Variants in LETM2 observed in about 807,000 individuals in gnomAD.
The protein encoded by LETM2 is LETM1 domain-containing protein LETM2, mitochondrial.
A neutral mutation model predicts 59.6 loss-of-function variants in LETM2; 58 were observed. That is an observed-to-expected ratio of 0.97 (90% CI 0.79 to 1.21). The LOEUF (loss-of-function observed/expected upper bound fraction) is 1.21. Ranked by LOEUF, LETM2 falls within the 50% of genes most tolerant of loss-of-function variation. LETM2 has a pLI of 0.00. For synonymous variants in LETM2, 199 were observed against 214.1 expected (o/e 0.93, Z 0.62); for missense variants, 572 against 575.7 (o/e 0.99, Z 0.07).
chr8:38,386,812 C>CT, intron 1 of LETM2: 1 of 153,096 alleles, frequency 6.5e-6, no homozygotes, highest in Non-Finnish European at 1.5e-5. Context: ...GCGCTCCGTC[C>CT]TTTTTTCCGT....
In LETM2 at chr8:38,407,086, T is replaced by C. The variant is rs752530298; in HGVS notation, c.1311+48T>C. 3.2e-5 allele frequency: 36 copies of C among 1,124,844 alleles called. No homozygotes were observed. The East Asian group carries it at 8.2e-4, about 26-fold the overall frequency. 69.7% of individuals were successfully genotyped at this position (1,124,844 alleles called of 1,614,324 possible). On this transcript the variant is annotated intron_variant, in intron 9 of 10. Coordinates refer to ENST00000379957, the MANE Select transcript of LETM2 (RefSeq NM_001286819.2). ...GGTTAATTAGATTAAAAAATGAAAA[T>C]AGCAATGGGTCATTTTCTCCTGTTT... is the stretch of plus-strand genomic sequence containing the variant.
chr8:38,406,880 T>C (rs537962263), intron 8 of LETM2, 66 bp from the exon 9 acceptor site: 2 of 1,031,854 alleles, frequency 1.9e-6, no homozygotes, highest in Non-Finnish European at 3.0e-6. Context: ...CATTGACTAC[T>C]GTAAAAGTTT....
intron 2 of LETM2, among the ~76,000 whole-genome samples, chr8:38,389,120 G>A (rs1812007277): frequency 1.3e-5 from 2 of 152,142 alleles, no homozygotes; most frequent in South Asian, 2.1e-4. Context: ...CATCACGTGA[G>A]GTCCTTAGAT....
chr8:38,394,519 T>G (rs1812537048), intron 4 of LETM2: 1 of 255,130 alleles, frequency 3.9e-6, no homozygotes, highest in African/African-American at 2.2e-5. Flanking sequence ...ACCATCACAG[T>G]ATCATACAAA....
In LETM2 at chr8:38,400,923, C is replaced by T; in HGVS notation, c.854C>T (p.Ala285Val). The T allele has an allele frequency of 6.2e-7, 1 of 1,614,176 alleles. No individual in the cohort carries two copies. The highest frequency in any genetic ancestry group is 8.5e-7 in the Non-Finnish European group (1 of 1,180,000). Residue 285 changes from alanine (A) to valine (V), a missense_variant, in exon 6 of 11, where the codon GCC (alanine) becomes GTC (valine). Transcript: ENST00000379957. ...RFSKLFEDQL[A>V]LEHLDRPQLV... ...TCCAAACTATTTGAGGACCAGCTGG[C>T]CCTGGAACACTTAGATCGCCCTCAG...
At chr8:38,400,652 G>C (rs544715445) in intron 5 of LETM2, 7 of 661,680 alleles carry the variant, frequency 1.1e-5, no homozygotes, top group South Asian at 8.1e-5. Context: ...AGTAGATTTA[G>C]AGTCAAACTT....
rs910703001 is a variant in LETM2 at position 38,394,018 on chromosome 8, G to A, written c.502-80G>A. The stretch of plus-strand genomic sequence containing the variant: ...AAGAAAGAAAATGAAACAAGACAGG[G>A]TTTTTTTGGTTTTGTTTTTCATTTT... On this transcript the variant is annotated intron_variant, in intron 3 of 10. Coordinates refer to ENST00000379957, the MANE Select transcript of LETM2 (RefSeq NM_001286819.2). The A allele has an allele frequency of 4.4e-6, 5 of 1,136,602 alleles. No individual in the cohort carries two copies. In the African/African-American group the frequency reaches 6.4e-5, roughly 15 times the overall value. The allele number at this position is 1,136,602 out of a possible 1,614,324, so 70.4% of individuals were successfully genotyped here.
At position 38,400,408 on chromosome 8, in the gene LETM2, A is replaced by T; in HGVS notation, c.782A>T (p.Gln261Leu). 1 of 1,570,100 alleles carries T rather than the reference A, an allele frequency of 6.4e-7. No individual in the cohort carries two copies. The highest frequency in any genetic ancestry group is 1.7e-4 in the Middle Eastern group (1 of 5,910). Residue 261 changes from glutamine to leucine, a missense_variant and splice_region_variant, in exon 5 of 11, where the codon CAG becomes CTG. Transcript: ENST00000379957. ...ASTQLSSYVKQVQTGHKPSTK... is the reference protein window; with the variant it reads ...ASTQLSSYVKLVQTGHKPSTK... ...ACACAGCTCTCATCCTACGTGAAGCAGGTGTCCATCTTTTATGTAATGCCG... is the reference window on the plus strand; with the variant it reads ...ACACAGCTCTCATCCTACGTGAAGCTGGTGTCCATCTTTTATGTAATGCCG...
At chr8:38,395,930 A>G (rs1240586367) in intron 4 of LETM2, among the ~76,000 whole-genome samples, 1 of 151,958 alleles carries the variant, frequency 6.6e-6, no homozygotes, top group Non-Finnish European at 1.5e-5. Flanking sequence ...GTTTTCTTCT[A>G]CTCTGTGGCT....
chr8:38,395,920 G>A (rs1227569115), intron 4 of LETM2, among the ~76,000 whole-genome samples: 6 of 152,056 alleles, frequency 3.9e-5, no homozygotes, highest in African/African-American at 7.2e-5. Context: ...TTTTGCAAAC[G>A]TTTTCTTCTA....
At chr8:38,400,805 AT>A in intron 5 of LETM2, 47 bp from the exon 6 acceptor site, 1 of 1,530,694 alleles carries the variant, frequency 6.5e-7, no homozygotes, top group Non-Finnish European at 9.0e-7. Flanking sequence ...GGAAAGTTAA[AT>A]TAAGTAGAAA....
At chr8:38,389,148 G>T (rs1480159545) in intron 2 of LETM2, among the ~76,000 whole-genome samples, 2 of 152,200 alleles carry the variant, frequency 1.3e-5, no homozygotes, top group African/African-American at 4.8e-5. Flanking sequence ...GAGTAAAATG[G>T]CTGATGAACA....
intron 2 of LETM2, 116 bp from the exon 3 acceptor site, chr8:38,392,426 A>AT: frequency 5.5e-6 from 4 of 726,160 alleles, no homozygotes; most frequent in Non-Finnish European, 9.1e-6. Context: ...AAAAAAAAAA[A>AT]GCTGTTTTAT....
intron 6 of LETM2, among the ~76,000 whole-genome samples, 176 bp downstream of exon 6, chr8:38,401,229 C>T (rs1009397425): frequency 3.7e-4 from 57 of 152,148 alleles, no homozygotes; most frequent in East Asian, 1.5e-3. Flanking sequence ...CTCCACCTCC[C>T]GGGTTCAAGT....
In LETM2 at chr8:38,392,921, G is replaced by C. The variant is rs781718167; in HGVS notation, c.427G>C (p.Asp143His). The C allele has an allele frequency of 2.5e-6, 4 of 1,612,944 alleles. No homozygotes were observed. In the Admixed American group the frequency reaches 6.7e-5, roughly 27 times the overall value. The change falls in exon 3 of 11, where the codon GAC (aspartate) becomes CAC (histidine). Residue 143 changes from aspartate to histidine, a missense_variant. Physicochemically the swap from Asp to His is moderately conservative, Grantham distance 81. Coordinates refer to ENST00000379957, the MANE Select transcript of LETM2 (RefSeq NM_001286819.2). ...YYNGFYLLWI[D>H]AKVAARMVWR... Reference sequence around the variant, plus strand: ...CAATGGATTCTACTTACTTTGGATTGACGCCAAAGTTGCTGCCAGAATGGT... The same window carrying C: ...CAATGGATTCTACTTACTTTGGATTCACGCCAAAGTTGCTGCCAGAATGGT...
intron 1 of LETM2, 180 bp downstream of exon 1, chr8:38,386,748 C>T (rs910524009): frequency 9.1e-5 from 14 of 153,234 alleles, no homozygotes; most frequent in African/African-American, 3.1e-4. Flanking sequence ...CGCCAGTTCC[C>T]CAGCACAGCG....
At chr8:38,396,168 A>ATTTT (rs1257336489) in intron 4 of LETM2, among the ~76,000 whole-genome samples, 1 of 89,286 alleles carries the variant, frequency 1.1e-5, no homozygotes, top group Non-Finnish European at 2.5e-5. Context: ...TTATTTATTT[A>ATTTT]TTTTTTTTTT....
upstream of LETM2, among the ~76,000 whole-genome samples, chr8:38,384,729 T>C (rs1006010107): frequency 6.6e-6 from 1 of 152,236 alleles, no homozygotes; most frequent in Non-Finnish European, 1.5e-5. Flanking sequence ...CTTTTTAGGA[T>C]AGGATTGCTG....
Position 38,407,373 on chromosome 8 carries a change from T to C in LETM2, c.1323T>C (p.Phe441=). 2 of 1,611,914 alleles carry C rather than the reference T, an allele frequency of 1.2e-6. No individual in the cohort carries two copies. The highest frequency in any genetic ancestry group is 1.3e-5 in the African/African-American group (1 of 75,002). ...TTCTGATGTTTAAGGATGAAGACTT[T>C]ATACAGCCGCCACCAGTTACATCAT... is the stretch of plus-strand genomic sequence containing the variant. ...PQLKGTKDED[F]IQPPPVTSSP... is the part of the protein sequence containing the mutation. Residue 441 remains phenylalanine (F), a synonymous_variant, in exon 10 of 11, where the codon TTT becomes TTC. Transcript: ENST00000379957.
Sources: gnomAD v4.1 joint callset for allele counts (sites outside exome capture counted in the v4.1 genomes callset) on GRCh38, gnomAD v4.1.1 for gene constraint, MANE v1.5 for transcripts, NCBI Gene and HGNC (gene_info 2026-07-23, HGNC 2026-07-21) for gene names.